PIGU: variants seen among roughly 807,000 people sequenced by gnomAD.
PIGU encodes phosphatidylinositol glycan anchor biosynthesis class U.
In PIGU, 24 loss-of-function variants were observed where a neutral mutation model predicts 49.9. The observed-to-expected ratio is 0.48, with a 90% CI of 0.35 to 0.68. The LOEUF (loss-of-function observed/expected upper bound fraction) is 0.68. PIGU is among the 30% of genes least tolerant of loss of function. The probability of loss-of-function intolerance (pLI) is 0.01; values close to 1 mark genes in which losing one functional copy is unlikely to be tolerated. For missense variants in PIGU, 490 were observed against 532.6 expected, an observed-to-expected ratio of 0.92 and a Z score of 0.79; for synonymous variants, 220 against 205.7, an observed-to-expected ratio of 1.07 and a Z score of -0.59.
intron 2 of PIGU, among the ~76,000 whole-genome samples, chr20:34,647,212 C>T (rs745838712): frequency 7.2e-5 from 11 of 152,052 alleles, no homozygotes; most frequent in Admixed American, 2.0e-4. Flanking sequence ...CTCAGGTGAT[C>T]CACCCACCTC....
intron 7 of PIGU, among the ~76,000 whole-genome samples, chr20:34,611,327 G>C (rs1218231086): frequency 2.6e-5 from 4 of 152,014 alleles, no homozygotes; most frequent in Admixed American, 1.3e-4. Flanking sequence ...CTAATATCCA[G>C]AATCTACAAG....
At chr20:34,657,826 A>G (rs1986749698) in intron 1 of PIGU, among the ~76,000 whole-genome samples, 1 of 152,230 alleles carries the variant, frequency 6.6e-6, no homozygotes, top group African/African-American at 2.4e-5. Context: ...CTGAATGTCC[A>G]TTAATGAAAA....
intron 1 of PIGU, among the ~76,000 whole-genome samples, chr20:34,658,610 G>A (rs535566912): frequency 6.7e-4 from 100 of 150,054 alleles, no homozygotes; most frequent in African/African-American, 2.3e-3. Context: ...CCACCGCCCC[G>A]TCTGGGATGT....
chr20:34,639,268 G>A (rs1271011044), intron 4 of PIGU, among the ~76,000 whole-genome samples: 1 of 152,050 alleles, frequency 6.6e-6, no homozygotes, highest in South Asian at 2.1e-4. Flanking sequence ...GGGCATGGTG[G>A]CGGGCACCTG....
chr20:34,641,146 T>C (rs1986147399), intron 4 of PIGU, among the ~76,000 whole-genome samples: 1 of 152,016 alleles, frequency 6.6e-6, no homozygotes, highest in Non-Finnish European at 1.5e-5. Context: ...CTTGAACTCC[T>C]GACCTCGTGA....
At chr20:34,665,501 C>A (rs1987062952) in intron 1 of PIGU, among the ~76,000 whole-genome samples, 1 of 151,832 alleles carries the variant, frequency 6.6e-6, no homozygotes, top group African/African-American at 2.4e-5. Flanking sequence ...CCGCGCCCGG[C>A]CCAATTTTTT....
At position 34,588,550 on chromosome 20, in the gene PIGU, A is replaced by G. The variant is rs753063352; in HGVS notation, c.685T>C (p.Tyr229His). ...SKAFWIFSWE[Y>H]AMMYVGSLVV... is the part of the protein sequence containing the mutation. ...AGGCTTCCCACATACATCATGGCAT[A>G]CTCCCAAGAAAAGATCCAGAAGGCT... Residue 229 changes from tyrosine (Y) to histidine (H), a missense_variant, in exon 8 of 12, where the codon TAT (tyrosine) becomes CAT (histidine). Physicochemically the swap from Tyr to His is moderately conservative, Grantham distance 83 (BLOSUM62 2). Coordinates refer to ENST00000217446, the MANE Select transcript of PIGU (RefSeq NM_080476.5). 3.4e-5 allele frequency: 55 copies of G among 1,613,702 alleles called. No homozygotes were observed. Among genetic ancestry groups the G allele is most frequent in the Non-Finnish European group, 3.9e-5 (46 of 1,179,764 alleles).
intron 11 of PIGU, among the ~76,000 whole-genome samples, chr20:34,574,347 CAG>C (rs1256247350): frequency 1.3e-5 from 2 of 152,326 alleles, no homozygotes; most frequent in East Asian, 3.9e-4. Flanking sequence ...CTTTTTAAAA[CAG>C]AGCCATGTAC....
At chr20:34,588,023 T>C (rs1192860292) in intron 8 of PIGU, among the ~76,000 whole-genome samples, 1 of 152,144 alleles carries the variant, frequency 6.6e-6, no homozygotes, top group Non-Finnish European at 1.5e-5. Context: ...TCCCAGCACT[T>C]TGGGAGGCCA....
chr20:34,621,225 T>C (rs1169406420), intron 6 of PIGU, among the ~76,000 whole-genome samples: 2 of 152,132 alleles, frequency 1.3e-5, no homozygotes, highest in Non-Finnish European at 2.9e-5. Flanking sequence ...TGAATGAATA[T>C]CATTCAGCAA....
chr20:34,616,217 A>G, intron 6 of PIGU, 78 bp from the exon 7 acceptor site: 5 of 1,493,038 alleles, frequency 3.3e-6, no homozygotes, highest in Non-Finnish European at 4.5e-6. Flanking sequence ...TCTCAACACA[A>G]AACTTTCCAT....
intron 11 of PIGU, among the ~76,000 whole-genome samples, chr20:34,567,120 G>T (rs979691735): frequency 6.6e-6 from 1 of 152,224 alleles, no homozygotes; most frequent in Non-Finnish European, 1.5e-5. Context: ...GCCCACGCTG[G>T]GGGGAATGCA....
chr20:34,603,223 T>C (rs7264012), intron 7 of PIGU, among the ~76,000 whole-genome samples: 56,921 of 151,942 alleles, frequency 0.37, 11,046 homozygotes, highest in Admixed American at 0.54. Flanking sequence ...TGGTGGGTAA[T>C]GTTCTTTTGT....
chr20:34,567,598 T>A lies in PIGU; in HGVS notation c.1195-6619A>T, dbSNP rs76857970. Among the ~76,000 whole-genome samples, 248 of 132,854 alleles carry A rather than the reference T, an allele frequency of 1.9e-3. 1 individual carries two copies. The highest frequency in any genetic ancestry group is 6.5e-3 in the African/African-American group (232 of 35,534). The allele number at this position is 132,854 out of a possible 152,430, so 87.2% of individuals were successfully genotyped here. A position where few individuals can be genotyped will look rare whatever the true frequency, so the allele number is the denominator to read the frequency against. ...CTCTTACCTCTGCTCTTCCCAGCAG[T>A]GAGGTTTTCAGAGCATGGATCTGAT... On this transcript the variant is annotated intron_variant, in intron 11 of 11. Transcript: ENST00000217446.
chr20:34,663,845 A>G (rs1986998571), intron 1 of PIGU, among the ~76,000 whole-genome samples: 1 of 152,240 alleles, frequency 6.6e-6, no homozygotes, highest in South Asian at 2.1e-4. Flanking sequence ...GCAGTAAAAA[A>G]GCAACTCTAC....
At chr20:34,666,996 C>CCAG (rs1353630440) in intron 1 of PIGU, among the ~76,000 whole-genome samples, 2 of 152,042 alleles carry the variant, frequency 1.3e-5, no homozygotes, top group Admixed American at 1.3e-4. Flanking sequence ...CCGCGCCCAG[C>CCAG]CAGCACCTGA....
chr20:34,616,006 C>A, intron 7 of PIGU, 36 bp downstream of exon 7: 2 of 1,581,408 alleles, frequency 1.3e-6, no homozygotes, highest in South Asian at 2.3e-5. Flanking sequence ...TATTAAATGT[C>A]ACTTGGGTGC....
intron 6 of PIGU, among the ~76,000 whole-genome samples, chr20:34,631,256 A>G (rs1469443661): frequency 6.6e-6 from 1 of 152,142 alleles, no homozygotes; most frequent in Non-Finnish European, 1.5e-5. Flanking sequence ...TGTCCCAGAA[A>G]AAGTAAGAGA....
At chr20:34,621,312 T>C (rs1043587147) in intron 6 of PIGU, among the ~76,000 whole-genome samples, 2 of 152,050 alleles carry the variant, frequency 1.3e-5, no homozygotes, top group African/African-American at 2.4e-5. Flanking sequence ...ACTTATGAAG[T>C]GTAATACACA....
Sources: gnomAD v4.1 joint callset for allele counts (sites outside exome capture counted in the v4.1 genomes callset) on GRCh38, gnomAD v4.1.1 for gene constraint, MANE v1.5 for transcripts, NCBI Gene and HGNC (gene_info 2026-07-23, HGNC 2026-07-21) for gene names.